Variants in MGAM2 observed in about 807,000 individuals in gnomAD.
MGAM2 encodes probable maltase-glucoamylase 2.
Under a neutral mutation model 96.1 loss-of-function variants are expected in MGAM2, and 98 were observed. The observed-to-expected ratio is 1.02, with a 90% CI of 0.87 to 1.21. The LOEUF (loss-of-function observed/expected upper bound fraction) is 1.21, where lower values mean the gene tolerates loss of function less well. Among genes scored for constraint, MGAM2 ranks in the 50% most tolerant of loss-of-function variants. The pLI is 0.00. For synonymous variants in MGAM2, 749 were observed against 414.8 expected (o/e 1.81, Z -9.79); for missense variants, 2,055 against 1,182.4 (o/e 1.74, Z -10.82).
chr7:142,147,946 C>T (rs751430071), intron 15 of MGAM2, among the ~76,000 whole-genome samples: 62 of 152,106 alleles, frequency 4.1e-4, no homozygotes, highest in Admixed American at 4.6e-4. Flanking sequence ...GGGACATTCT[C>T]ATACTAAAAA....
chr7:142,130,259 T>C lies in MGAM2; in HGVS notation c.187-689T>C, dbSNP rs537526530. On this transcript the variant is annotated intron_variant, in intron 3 of 47. Coordinates refer to ENST00000477922, the MANE Select transcript of MGAM2 (RefSeq NM_001293626.2). ...AGTTTTATTTTAATCGTCTCTAGTT[T>C]TCTTAGCTTCACTTTGCTTACTTTT... 1.1e-3 allele frequency among the ~76,000 whole-genome samples: 175 copies of C among 152,314 alleles called. 1 individual carries two copies. The highest frequency in any genetic ancestry group is 4.2e-3 in the African/African-American group (174 of 41,568).
At chr7:142,185,174 C>T (rs1490234947) in intron 34 of MGAM2, 35 bp downstream of exon 34, 1 of 698,456 alleles carries the variant, frequency 1.4e-6, no homozygotes, top group Non-Finnish European at 2.6e-6. Flanking sequence ...CAACATTGCC[C>T]TAAACATCTG....
Position 142,203,671 on chromosome 7 carries a change from T to C in MGAM2, c.5137+3703T>C, listed in dbSNP as rs565684538. ...ACAGACACATAGCAATAGAACAGTA[T>C]AGAAAATCCAGAAATAAAGCCACAC... is the stretch of plus-strand genomic sequence containing the variant. On this transcript the variant is annotated intron_variant, in intron 45 of 47. Coordinates refer to ENST00000477922, the MANE Select transcript of MGAM2 (RefSeq NM_001293626.2). Among the ~76,000 whole-genome samples, 4 of 152,072 alleles carry C rather than the reference T, an allele frequency of 2.6e-5. No homozygotes were observed. The South Asian group carries it at 6.2e-4, about 24-fold the overall frequency.
At chr7:142,171,049 A>G (rs940727294) in intron 27 of MGAM2, 1 of 568,686 alleles carries the variant, frequency 1.8e-6, no homozygotes, top group African/African-American at 1.9e-5. Flanking sequence ...GGACCCAGAA[A>G]AGGAGCTCTC....
At chr7:142,201,417 C>T (rs1190781785) in intron 45 of MGAM2, among the ~76,000 whole-genome samples, 3 of 152,018 alleles carry the variant, frequency 2.0e-5, no homozygotes, top group Admixed American at 2.0e-4. Context: ...TTTTAGATTA[C>T]GTCCATAGAG....
chr7:142,124,913 A>G (rs1794693159), intron 3 of MGAM2, among the ~76,000 whole-genome samples: 1 of 152,102 alleles, frequency 6.6e-6, no homozygotes, highest in Admixed American at 6.5e-5. Context: ...TCTTAAATTT[A>G]CTTATTAATT....
At chr7:142,177,902 G>A (rs1367557043) in intron 32 of MGAM2, among the ~76,000 whole-genome samples, 6 of 152,188 alleles carry the variant, frequency 3.9e-5, no homozygotes, top group Non-Finnish European at 8.8e-5. Flanking sequence ...GGGTTGCTGG[G>A]TGGTATGGTA....
At chr7:142,195,522 ATT>A (rs11379518) in intron 37 of MGAM2, among the ~76,000 whole-genome samples, 2 of 139,014 alleles carry the variant, frequency 1.4e-5, no homozygotes, top group African/African-American at 2.7e-5. Flanking sequence ...CACCCGGCTA[ATT>A]TTTTTTTTTT....
intron 45 of MGAM2, among the ~76,000 whole-genome samples, chr7:142,201,730 C>T (rs1168194103): frequency 5.3e-5 from 8 of 152,160 alleles, no homozygotes; most frequent in African/African-American, 1.9e-4. Flanking sequence ...ATACAGGATA[C>T]CAATGATTTA....
chr7:142,136,741 G>A (rs1795071421), intron 8 of MGAM2, 101 bp downstream of exon 8: 1 of 548,226 alleles, frequency 1.8e-6, no homozygotes, highest in South Asian at 2.5e-5. Flanking sequence ...TGAACAGAAG[G>A]CATTTTGAAC....
At chr7:142,161,760 G>A in intron 22 of MGAM2, among the ~76,000 whole-genome samples, 195 bp from the exon 23 acceptor site, 1 of 152,144 alleles carries the variant, frequency 6.6e-6, no homozygotes, top group South Asian at 2.1e-4. Flanking sequence ...CCAGCGAAAT[G>A]GTACCACAGA....
At position 142,187,599 on chromosome 7, in the gene MGAM2, A is replaced by G. The variant is rs750468940; in HGVS notation, c.4123-151A>G. On this transcript the variant is annotated intron_variant, in intron 35 of 47. Transcript: ENST00000477922. Reference sequence around the variant, plus strand: ...ATTACACTACACATTTTTAGAGTCCATTTGGGTCAGTGCCAGGAATTAAAC... The same window carrying G: ...ATTACACTACACATTTTTAGAGTCCGTTTGGGTCAGTGCCAGGAATTAAAC... The G allele has an allele frequency of 1.8e-5, 10 of 546,194 alleles. No homozygotes were observed. The Admixed American group carries it at 1.9e-4, about 10-fold the overall frequency. 33.8% of individuals were successfully genotyped at this position (546,194 alleles called of 1,614,324 possible).
rs187211800 is a variant in MGAM2, at chr7:142,166,033, C to T, written c.2653-65C>T. 169 of 601,552 alleles carry T rather than the reference C, an allele frequency of 2.8e-4. 1 individual carries two copies. In the East Asian group the frequency reaches 2.9e-3, roughly 10 times the overall value. 37.3% of individuals were successfully genotyped at this position (601,552 alleles called of 1,614,324 possible). A position where few individuals can be genotyped will look rare whatever the true frequency, so the allele number is the denominator to read the frequency against. On this transcript the variant is annotated intron_variant, in intron 24 of 47. Coordinates refer to ENST00000477922, the MANE Select transcript of MGAM2 (RefSeq NM_001293626.2). ...CTTGTCCTGACTTCCAGACTTCCAG[C>T]CAAGAACTCTTTCTGGGTGGCTTTC...
intron 21 of MGAM2, among the ~76,000 whole-genome samples, 178 bp from the exon 22 acceptor site, chr7:142,160,947 C>A (rs1795870173): frequency 6.6e-6 from 1 of 152,142 alleles, no homozygotes; most frequent in African/African-American, 2.4e-5. Context: ...TATGTCCACT[C>A]ACTATCAACC....
rs148423390 is a variant in MGAM2 at position 142,194,010 on chromosome 7, C to T, written c.4347-2144C>T. On this transcript the variant is annotated intron_variant, in intron 37 of 47. Transcript: ENST00000477922. ...CTATTTATCTCTCCCTTAAACCTGT[C>T]CTCCTGCAGTCTTTTCTTTCTTCTT... is the stretch of plus-strand genomic sequence containing the variant. Among the ~76,000 whole-genome samples, 419 of 151,276 alleles carry T rather than the reference C, an allele frequency of 2.8e-3. 2 individuals are homozygous for T. Among genetic ancestry groups the T allele is most frequent in the Middle Eastern group, 6.8e-3 (2 of 294 alleles).
intron 17 of MGAM2, among the ~76,000 whole-genome samples, chr7:142,155,197 T>C (rs922583983): frequency 6.6e-6 from 1 of 152,210 alleles, no homozygotes; most frequent in African/African-American, 2.4e-5. Flanking sequence ...CTCATAGGTA[T>C]GGAGGAACAA....
chr7:142,206,331 T>TG (rs1563294713), intron 45 of MGAM2, among the ~76,000 whole-genome samples: 1 of 152,172 alleles, frequency 6.6e-6, no homozygotes, highest in Non-Finnish European at 1.5e-5. Flanking sequence ...TGGTGGTGGC[T>TG]GGGCTGGTTA....
chr7:142,123,422 CT>C (rs1349346418), intron 3 of MGAM2, among the ~76,000 whole-genome samples: 1 of 152,086 alleles, frequency 6.6e-6, no homozygotes, highest in African/African-American at 2.4e-5. Context: ...ATTTGCATTT[CT>C]TTTAGTAGTA....
rs561282810 is a variant in MGAM2, at chr7:142,215,758, CAAA to C, written c.5188-2586_5188-2584del. Reference sequence around the variant, plus strand: ...GGGTAGCAAGAGCGAAACTCTGTCTCAAAAAAAAAAAAAAAAAAACCTCATGAA... The same window carrying C: ...GGGTAGCAAGAGCGAAACTCTGTCTCAAAAAAAAAAAAAAAACCTCATGAA... On this transcript the variant is annotated intron_variant, in intron 46 of 47. Coordinates refer to ENST00000477922, the MANE Select transcript of MGAM2 (RefSeq NM_001293626.2). Among the ~76,000 whole-genome samples the C allele has an allele frequency of 3.7e-4, 39 of 104,068 alleles. 1 individual carries two copies. In the South Asian group the frequency reaches 5.2e-3, roughly 14 times the overall value. 68.3% of individuals were successfully genotyped at this position (104,068 alleles called of 152,430 possible).
Sources: allele counts gnomAD v4.1 joint callset (sites outside exome capture counted in the v4.1 genomes callset), GRCh38; gene constraint gnomAD v4.1.1; transcripts MANE v1.5; gene names NCBI Gene and HGNC (gene_info 2026-07-23, HGNC 2026-07-21).